The following CSMD1 variants were observed in gnomAD, a reference collection of about 807,000 sequenced individuals.
The protein encoded by CSMD1 is CUB and sushi domain-containing protein 1.
In CSMD1, 213 loss-of-function variants were observed where a neutral mutation model predicts 417.5. That is an observed-to-expected ratio of 0.51 (90% CI 0.46 to 0.57). The LOEUF is 0.57. Ranked by LOEUF, CSMD1 falls within the 20% of genes least tolerant of loss-of-function variation. The probability of loss-of-function intolerance (pLI) is 0.00; values close to 1 mark genes in which losing one functional copy is unlikely to be tolerated. For synonymous variants in CSMD1, 2,862 were observed against 1,736.8 expected, an observed-to-expected ratio of 1.65 and a Z score of -16.11; for missense variants, 6,923 against 4,529.7, an observed-to-expected ratio of 1.53 and a Z score of -15.17.
chr8:4,392,509 C>A (rs527401971), intron 3 of CSMD1, among the ~76,000 whole-genome samples: 1 of 151,916 alleles, frequency 6.6e-6, no homozygotes, highest in South Asian at 2.1e-4. Flanking sequence ...TAAAGAATCA[C>A]GGTTTGTGTG....
intron 5 of CSMD1, among the ~76,000 whole-genome samples, chr8:3,891,080 A>C (rs577488133): frequency 5.5e-4 from 83 of 151,498 alleles, no homozygotes; most frequent in Non-Finnish European, 1.1e-3. Flanking sequence ...ACAGGATCTC[A>C]CTCTGTCATC....
At chr8:4,215,453 T>A (rs971222626) in intron 3 of CSMD1, among the ~76,000 whole-genome samples, 2 of 151,918 alleles carry the variant, frequency 1.3e-5, no homozygotes, top group African/African-American at 4.8e-5. Context: ...GCTTCCTGAA[T>A]ATTTTACACT....
intron 2 of CSMD1, among the ~76,000 whole-genome samples, chr8:4,512,900 T>A (rs1317369023): frequency 6.6e-6 from 1 of 152,032 alleles, no homozygotes; most frequent in Non-Finnish European, 1.5e-5. Flanking sequence ...AGAAGTTAAT[T>A]TGAAAAAGCT....
rs542955545 is a variant in CSMD1, at chr8:3,935,863, A to G, written c.818+62040T>C. 3.9e-5 allele frequency among the ~76,000 whole-genome samples: 6 copies of G among 152,300 alleles called. No individual in the cohort carries two copies. In the East Asian group the frequency reaches 1.2e-3, roughly 29 times the overall value. On this transcript the variant is annotated intron_variant, in intron 5 of 69. Transcript: ENST00000635120. ...CACTTTAAATCAAAAGCTAGAAATC[A>G]TTGGCCTTAGTGAGAAAAGTATACT...
At chr8:4,213,423 T>C (rs147064172) in intron 3 of CSMD1, among the ~76,000 whole-genome samples, 1 of 152,280 alleles carries the variant, frequency 6.6e-6, no homozygotes, top group East Asian at 1.9e-4. Flanking sequence ...GTAGTGCTTA[T>C]GGTAATAGCT....
Position 4,503,144 on chromosome 8 carries a change from G to A in CSMD1, c.303-83079C>T, listed in dbSNP as rs143366828. 3.0e-3 allele frequency among the ~76,000 whole-genome samples: 459 copies of A among 152,160 alleles called. 5 individuals carry two copies. The highest frequency in any genetic ancestry group is 0.01 in the African/African-American group (425 of 41,508). ...TGTGTAATGGATATGCTTTTTTTAC[G>A]TGAAGTGTGCTTTTAATATATAGTC... On this transcript the variant is annotated intron_variant, in intron 2 of 69. Coordinates refer to ENST00000635120, the MANE Select transcript of CSMD1 (RefSeq NM_033225.6).
intron 1 of CSMD1, among the ~76,000 whole-genome samples, chr8:4,692,653 A>C (rs1435660977): frequency 6.6e-6 from 1 of 152,180 alleles, no homozygotes; most frequent in African/African-American, 2.4e-5. Flanking sequence ...AGGACTGACC[A>C]ACTGTCCTGG....
rs73660729 is a variant in CSMD1 at position 4,283,003 on chromosome 8, C to G, written c.415+136950G>C. On this transcript the variant is annotated intron_variant, in intron 3 of 69. Coordinates refer to ENST00000635120, the MANE Select transcript of CSMD1 (RefSeq NM_033225.6). ...TTCTACTGCACATTAGTCATTCTGC[C>G]TGCATTGTATCCCTTTGATTATATT... 8.3e-3 allele frequency among the ~76,000 whole-genome samples: 1,258 copies of G among 152,108 alleles called. 14 individuals carry two copies. The highest frequency in any genetic ancestry group is 0.029 in the African/African-American group (1,224 of 41,502).
chr8:4,361,484 C>T (rs1267919972), intron 3 of CSMD1, among the ~76,000 whole-genome samples: 2 of 152,004 alleles, frequency 1.3e-5, no homozygotes, highest in African/African-American at 4.8e-5. Flanking sequence ...TATTGCATTT[C>T]CACTTTACAG....
chr8:3,019,547 C>T (rs962169690), intron 51 of CSMD1, among the ~76,000 whole-genome samples: 2 of 152,130 alleles, frequency 1.3e-5, no homozygotes, highest in Non-Finnish European at 2.9e-5. Context: ...TTGTTGGGCT[C>T]ATGAGCTCTG....
At chr8:3,647,557 T>A (rs193149518) in intron 7 of CSMD1, among the ~76,000 whole-genome samples, 1 of 152,200 alleles carries the variant, frequency 6.6e-6, no homozygotes, top group African/African-American at 2.4e-5. Flanking sequence ...AAATACAGCA[T>A]AAAGAGAAAT....
At chr8:3,363,065 T>G (rs950007413) in intron 20 of CSMD1, among the ~76,000 whole-genome samples, 1 of 152,200 alleles carries the variant, frequency 6.6e-6, no homozygotes, top group Non-Finnish European at 1.5e-5. Context: ...TCCCCTCGGT[T>G]TCAGGGGTCT....
At chr8:3,091,146 T>C (rs986382910) in intron 48 of CSMD1, among the ~76,000 whole-genome samples, 4 of 152,144 alleles carry the variant, frequency 2.6e-5, no homozygotes, top group Admixed American at 6.5e-5. Flanking sequence ...AGTAAGAGAT[T>C]ATCATCACTT....
intron 3 of CSMD1, among the ~76,000 whole-genome samples, chr8:4,371,299 G>A (rs1429348140): frequency 6.6e-6 from 1 of 152,048 alleles, no homozygotes; most frequent in Non-Finnish European, 1.5e-5. Context: ...GGGCTGGAGA[G>A]GCCAAGATAC....
chr8:4,877,019 A>C (rs192310394), intron 1 of CSMD1, among the ~76,000 whole-genome samples: 1 of 152,210 alleles, frequency 6.6e-6, no homozygotes, highest in African/African-American at 2.4e-5. Context: ...AGTTTCTCAG[A>C]AAGAAAAATA....
intron 1 of CSMD1, among the ~76,000 whole-genome samples, chr8:4,940,924 T>G (rs1024037164): frequency 6.6e-6 from 1 of 152,230 alleles, no homozygotes; most frequent in African/African-American, 2.4e-5. Context: ...GAGAAGTGTT[T>G]GGGCAATATT....
intron 5 of CSMD1, among the ~76,000 whole-genome samples, chr8:3,865,605 G>A (rs894825252): frequency 4.6e-5 from 7 of 152,104 alleles, no homozygotes; most frequent in Non-Finnish European, 8.8e-5. Context: ...TCAGCAAAGC[G>A]CCAATGTGTT....
intron 1 of CSMD1, among the ~76,000 whole-genome samples, chr8:4,718,044 C>T (rs191029717): frequency 2.1e-3 from 319 of 152,260 alleles, no homozygotes; most frequent in Non-Finnish European, 3.7e-3. Flanking sequence ...GTGGCACAAT[C>T]ACAGCTCCCT....
intron 10 of CSMD1, among the ~76,000 whole-genome samples, chr8:3,573,679 A>G (rs1311768730): frequency 6.6e-6 from 1 of 152,222 alleles, no homozygotes; most frequent in African/African-American, 2.4e-5. Context: ...GCAACCCAAC[A>G]GCTTTGAGAG....
Sources: gnomAD v4.1 joint callset for allele counts (sites outside exome capture counted in the v4.1 genomes callset) on GRCh38, gnomAD v4.1.1 for gene constraint, MANE v1.5 for transcripts, NCBI Gene and HGNC (gene_info 2026-07-23, HGNC 2026-07-21) for gene names.